HTR2C: variants seen among roughly 807,000 people sequenced by gnomAD.
HTR2C encodes 5-hydroxytryptamine receptor 2C, also known as 5-hydroxytryptamine (serotonin) receptor 2C, G protein-coupled.
Under a neutral mutation model 21.0 loss-of-function variants are expected in HTR2C, and 5 were observed. The observed-to-expected ratio is 0.24, with a 90% CI of 0.12 to 0.50. HTR2C has a LOEUF of 0.50. Ranked by LOEUF, HTR2C falls within the 20% of genes least tolerant of loss-of-function variation. The pLI, the probability that HTR2C is intolerant of heterozygous loss-of-function variation, is 0.98. For synonymous variants in HTR2C, 150 were observed against 145.3 expected (o/e 1.03, Z -0.23); for missense variants, 271 against 371.2 (o/e 0.73, Z 2.22).
chrX:114,866,124 G>A (rs1049858398), intron 5 of HTR2C, among the ~76,000 whole-genome samples: 1 of 111,096 alleles, frequency 9.0e-6, no homozygotes, highest in African/African-American at 3.3e-5. Context: ...GCCCCAGTGC[G>A]TTTTTTAAAA....
At chrX:114,731,250 AAT>A in intron 3 of HTR2C, 42 bp from the exon 4 acceptor site, 1 of 959,063 alleles carries the variant, frequency 1.0e-6, no homozygotes, top group Non-Finnish European at 1.4e-6. Context: ...GTGTATAAGT[AAT>A]ATAATATGTA....
intron 4 of HTR2C, among the ~76,000 whole-genome samples, chrX:114,761,879 A>G (rs1556432447): frequency 5.9e-4 from 9 of 15,184 alleles, no homozygotes; most frequent in Non-Finnish European, 1.8e-3. Context: ...CTCTCTATAT[A>G]TATATATATG....
chrX:114,839,820 A>G (rs1190255615), intron 4 of HTR2C, among the ~76,000 whole-genome samples: 3 of 111,514 alleles, frequency 2.7e-5, no homozygotes, highest in African/African-American at 9.8e-5. Context: ...GAGAACCACA[A>G]ATTCTTCTCT....
At chrX:114,808,258 A>C (rs1408142064) in intron 4 of HTR2C, among the ~76,000 whole-genome samples, 1 of 111,178 alleles carries the variant, frequency 9.0e-6, no homozygotes, top group Non-Finnish European at 1.9e-5. Flanking sequence ...TTTGCGTAAC[A>C]CAATTACCCC....
chrX:114,654,418 T>A (rs1164452264), intron 2 of HTR2C, among the ~76,000 whole-genome samples: 2 of 109,432 alleles, frequency 1.8e-5, no homozygotes, highest in Admixed American at 9.9e-5. Context: ...AAAAACAAAT[T>A]CAAATCAAAA....
intron 4 of HTR2C, among the ~76,000 whole-genome samples, chrX:114,766,751 C>G (rs1418665928): frequency 9.9e-5 from 11 of 111,469 alleles, no homozygotes; most frequent in Non-Finnish European, 5.7e-5. Context: ...AGTCAAATTT[C>G]CATATTCCTT....
At chrX:114,711,691 G>A (rs949806247) in intron 2 of HTR2C, among the ~76,000 whole-genome samples, 8 of 111,841 alleles carry the variant, frequency 7.2e-5, no homozygotes, top group African/African-American at 2.3e-4. Flanking sequence ...ACTTAAGCAT[G>A]CTTTCAGAAT....
At chrX:114,730,629 A>T (rs1265775280) in intron 3 of HTR2C, among the ~76,000 whole-genome samples, 4 of 111,567 alleles carry the variant, frequency 3.6e-5, no homozygotes, top group Non-Finnish European at 5.6e-5. Context: ...TACCTCTTCC[A>T]GACGCTTTGC....
chrX:114,869,654 A>G (rs2071076108), intron 5 of HTR2C, among the ~76,000 whole-genome samples: 1 of 111,943 alleles, frequency 8.9e-6, no homozygotes, highest in South Asian at 3.7e-4. Context: ...TGTCCTTTAT[A>G]TCTTTCTCTT....
At chrX:114,678,218 G>C (rs781795176) in intron 2 of HTR2C, among the ~76,000 whole-genome samples, 2 of 109,502 alleles carry the variant, frequency 1.8e-5, no homozygotes, top group Non-Finnish European at 3.8e-5. Context: ...TTATGTGCAT[G>C]AGAAAATATC....
intron 4 of HTR2C, among the ~76,000 whole-genome samples, chrX:114,808,587 T>G (rs1299841685): frequency 9.0e-6 from 1 of 111,556 alleles, no homozygotes; most frequent in African/African-American, 3.3e-5. Context: ...CCACCAACAG[T>G]GTACCAGGCT....
chrX:114,639,582 CA>C (rs1293348060), intron 2 of HTR2C: 3 of 112,708 alleles, frequency 2.7e-5, no homozygotes, highest in Non-Finnish European at 5.6e-5. Flanking sequence ...ACTCTCAGAT[CA>C]GTGGGACTGT....
rs782322632 is a variant in HTR2C at position 114,849,555 on chromosome X, A to T, written c.550+1352A>T. On this transcript the variant is annotated intron_variant, in intron 5 of 5. Transcript: ENST00000276198. ...GTGGAGACGATCATTTCAGACTCGC[A>T]AGCAATGGAGGACTAGAGTAGGAAT... Among the ~76,000 whole-genome samples the T allele has an allele frequency of 1.4e-4, 16 of 112,124 alleles. No individual in the cohort carries two copies. In the South Asian group the frequency reaches 5.5e-3, roughly 39 times the overall value.
At chrX:114,650,493 G>C (rs1930518971) in intron 2 of HTR2C, among the ~76,000 whole-genome samples, 1 of 111,063 alleles carries the variant, frequency 9.0e-6, no homozygotes, top group Non-Finnish European at 1.9e-5. Context: ...GTTCTCTCTG[G>C]AACACTAGTT....
chrX:114,662,606 A>C (rs922632046), intron 2 of HTR2C, among the ~76,000 whole-genome samples: 1 of 111,963 alleles, frequency 8.9e-6, no homozygotes, highest in Non-Finnish European at 1.9e-5. Flanking sequence ...AATGAAATAT[A>C]CTTTTTTTCT....
chrX:114,614,416 C>T (rs1928870937), intron 2 of HTR2C, among the ~76,000 whole-genome samples: 1 of 109,985 alleles, frequency 9.1e-6, no homozygotes, highest in African/African-American at 3.3e-5. Context: ...CATGCCACCA[C>T]ACCAGGCTAA....
chrX:114,639,038 A>G (rs1359296190), intron 2 of HTR2C, among the ~76,000 whole-genome samples: 2 of 111,643 alleles, frequency 1.8e-5, no homozygotes, highest in Non-Finnish European at 3.8e-5. Context: ...TTCTACAAGA[A>G]GAATGGATAA....
chrX:114,693,060 T>C (rs927271895), intron 2 of HTR2C, among the ~76,000 whole-genome samples: 2 of 111,958 alleles, frequency 1.8e-5, no homozygotes, highest in Non-Finnish European at 1.9e-5. Context: ...CAACCAGTTT[T>C]TTTATGTTAT....
At chrX:114,687,508 T>G (rs782117790) in intron 2 of HTR2C, among the ~76,000 whole-genome samples, 1 of 111,951 alleles carries the variant, frequency 8.9e-6, no homozygotes, top group African/African-American at 3.2e-5. Flanking sequence ...GATAAATGCC[T>G]AAAATTTGTT....
Sources: gnomAD v4.1 joint callset for allele counts (sites outside exome capture counted in the v4.1 genomes callset) on GRCh38, gnomAD v4.1.1 for gene constraint, MANE v1.5 for transcripts, NCBI Gene and HGNC (gene_info 2026-07-23, HGNC 2026-07-21) for gene names.